GALNT6: variants seen among roughly 807,000 people sequenced by gnomAD.
GALNT6 encodes the protein GalNAc transferase 6.
In GALNT6, 51 loss-of-function variants were observed where a neutral mutation model predicts 65.9. That is an observed-to-expected ratio of 0.77 (90% CI 0.62 to 0.98). The LOEUF (loss-of-function observed/expected upper bound fraction) is 0.98. GALNT6 is among the 50% of genes least tolerant of loss of function. GALNT6 has a pLI of 0.00. For missense variants in GALNT6, 708 were observed against 803.3 expected (o/e 0.88, Z 1.43); for synonymous variants, 323 against 315.1 (o/e 1.02, Z -0.26).
chr12:51,371,948 T>C (rs1036079070), intron 4 of GALNT6, among the ~76,000 whole-genome samples: 4 of 152,194 alleles, frequency 2.6e-5, no homozygotes, highest in Non-Finnish European at 5.9e-5. Context: ...GGCAGAGATT[T>C]CTGACCATGG....
chr12:51,365,316 C>T (rs1346990611), intron 5 of GALNT6, 114 bp downstream of exon 5: 1 of 1,001,384 alleles, frequency 1.0e-6, no homozygotes, highest in African/African-American at 1.6e-5. Flanking sequence ...TCCCAAGCCT[C>T]CTTCACTCCC....
At chr12:51,373,197 T>C (rs1947343449) in intron 4 of GALNT6, among the ~76,000 whole-genome samples, 1 of 152,144 alleles carries the variant, frequency 6.6e-6, no homozygotes, top group Admixed American at 6.5e-5. Flanking sequence ...TGTTTTGAAA[T>C]GTGAGGACAT....
At position 51,391,337 on chromosome 12, in the gene GALNT6, G is replaced by A. The variant is rs1948091743; in HGVS notation, c.-242C>T. 6.5e-6 allele frequency: 1 copy of A among 153,146 alleles called. No individual in the cohort carries two copies. The highest frequency in any genetic ancestry group is 6.5e-5 in the Admixed American group (1 of 15,284). 9.5% of individuals were successfully genotyped at this position (153,146 alleles called of 1,614,324 possible). On this transcript the variant is annotated 5_prime_UTR_variant, in exon 1 of 12. Coordinates refer to ENST00000356317, the MANE Select transcript of GALNT6 (RefSeq NM_007210.4). ...TCCTCATTCATCTCGTAAGCGCCAA[G>A]GTGGAGGGGGGTCCTACCGAGGGAG...
intron 6 of GALNT6, among the ~76,000 whole-genome samples, chr12:51,361,066 A>C (rs961114411): frequency 6.6e-6 from 1 of 152,116 alleles, no homozygotes; most frequent in Non-Finnish European, 1.5e-5. Context: ...TCTAAAAGGC[A>C]CTCATTCATT....
intron 4 of GALNT6, among the ~76,000 whole-genome samples, chr12:51,368,015 G>A (rs1407406710): frequency 1.3e-5 from 2 of 151,518 alleles, no homozygotes; most frequent in Non-Finnish European, 1.5e-5. Context: ...TGAGGCCATG[G>A]AATTTTTTTT....
chr12:51,373,445 C>T (rs967984759), intron 4 of GALNT6, among the ~76,000 whole-genome samples: 7 of 152,174 alleles, frequency 4.6e-5, no homozygotes, highest in African/African-American at 1.2e-4. Flanking sequence ...TCTCTCCTGA[C>T]ACCTCATGAG....
At chr12:51,374,778 C>A (rs980078431) in intron 4 of GALNT6, among the ~76,000 whole-genome samples, 4 of 152,188 alleles carry the variant, frequency 2.6e-5, no homozygotes, top group Middle Eastern at 3.2e-3. Flanking sequence ...CTCCTACTCT[C>A]AAGTGAGTGT....
intron 2 of GALNT6, among the ~76,000 whole-genome samples, chr12:51,384,332 C>T (rs1001364017): frequency 1.3e-5 from 2 of 152,216 alleles, no homozygotes; most frequent in Admixed American, 1.3e-4. Context: ...CTGCTGATTA[C>T]AATCCACTGT....
chr12:51,365,518 C>CCG lies in GALNT6; in HGVS notation c.724_725dup (p.Gln243GlyfsTer8), dbSNP rs1350719899. 6.2e-7 allele frequency: 1 copy of CCG among 1,612,784 alleles called. No individual in the cohort carries two copies. Among genetic ancestry groups the CCG allele is most frequent in the Admixed American group, 1.7e-5 (1 of 59,998 alleles). ...TGATCAGCCCCTTCCGCTCCTCCTG[C>CCG]CGCACCACCCTCACCACCTGCAGCT... On this transcript the variant is annotated frameshift_variant, in exon 5 of 12. Coordinates refer to ENST00000356317, the MANE Select transcript of GALNT6 (RefSeq NM_007210.4). LOFTEE classifies it high-confidence loss of function.
At chr12:51,365,974 A>G (rs1335218628) in intron 4 of GALNT6, among the ~76,000 whole-genome samples, 1 of 152,076 alleles carries the variant, frequency 6.6e-6, no homozygotes, top group Non-Finnish European at 1.5e-5. Flanking sequence ...CTGGAGTGCA[A>G]TGGCGTGATC....
At position 51,362,289 on chromosome 12, in the gene GALNT6, A is replaced by C. The variant is rs190858126; in HGVS notation, c.1050-1451T>G. Among the ~76,000 whole-genome samples the C allele has an allele frequency of 6.5e-3, 991 of 152,088 alleles. 12 individuals carry two copies. The highest frequency in any genetic ancestry group is 0.023 in the African/African-American group (948 of 41,468). The stretch of plus-strand genomic sequence containing the variant: ...ACCCTGCATGGGAAGCTTCACTGTA[A>C]ATTCACAACCACAGGCAACCTCTAG... On this transcript the variant is annotated intron_variant, in intron 6 of 11. Coordinates refer to ENST00000356317, the MANE Select transcript of GALNT6 (RefSeq NM_007210.4).
In GALNT6 at chr12:51,387,851, C is replaced by A. The variant is rs983462832; in HGVS notation, c.-104+2999G>T. On this transcript the variant is annotated intron_variant, in intron 2 of 11. Coordinates refer to ENST00000356317, the MANE Select transcript of GALNT6 (RefSeq NM_007210.4). This position sits in a 1 kb window ranked among gnomAD's most constrained non-coding sequence, Gnocchi z 4.2. ...GGGGTATTCCCGAAGGCCTCTTGGG[C>A]CAGTCTTCAAATTGGGAAGGGGGCT... Among the ~76,000 whole-genome samples the A allele has an allele frequency of 6.6e-5, 10 of 151,998 alleles. No individual in the cohort carries two copies. Among genetic ancestry groups the A allele is most frequent in the African/African-American group, 2.4e-4 (10 of 41,348 alleles).
intron 3 of GALNT6, 141 bp downstream of exon 3, chr12:51,379,150 T>A (rs1947569454): frequency 7.5e-6 from 6 of 798,736 alleles, no homozygotes; most frequent in Non-Finnish European, 1.1e-5. Flanking sequence ...GGGAAAGAAG[T>A]GAGGCATAGA....
chr12:51,379,227 G>C, intron 3 of GALNT6, 64 bp downstream of exon 3: 1 of 1,475,946 alleles, frequency 6.8e-7, no homozygotes, highest in Non-Finnish European at 9.1e-7. Flanking sequence ...TATGGCCCTG[G>C]CCATACTAGC....
At position 51,381,054 on chromosome 12, in the gene GALNT6, C is replaced by T. The variant is rs147576280; in HGVS notation, c.-103-1170G>A. ...AGGAGTTCAAGACCAGTCTGCTCAA[C>T]GTATTGAGAGCCCATCTCAATAAAA... On this transcript the variant is annotated intron_variant, in intron 2 of 11. Coordinates refer to ENST00000356317, the MANE Select transcript of GALNT6 (RefSeq NM_007210.4). Among the ~76,000 whole-genome samples the T allele has an allele frequency of 1.6e-4, 24 of 152,134 alleles. No homozygotes were observed. In the East Asian group the frequency reaches 2.7e-3, roughly 17 times the overall value.
chr12:51,360,665 T>C, intron 7 of GALNT6, 56 bp downstream of exon 7: 3 of 1,015,274 alleles, frequency 3.0e-6, no homozygotes, highest in South Asian at 2.6e-5. Flanking sequence ...GAGAGATGTT[T>C]CTCAAGCTGT....
In GALNT6 at chr12:51,352,321, G is replaced by C. The variant is rs145154375; in HGVS notation, c.*2058C>G. ...GCCTCAGGCTTTCCAGGACCCTCCCGAGCCTTATCAGAGTCCTTACCCTCA... is the reference window on the plus strand; with the variant it reads ...GCCTCAGGCTTTCCAGGACCCTCCCCAGCCTTATCAGAGTCCTTACCCTCA... On this transcript the variant is annotated 3_prime_UTR_variant, in exon 12 of 12. Transcript: ENST00000356317. 1.3e-5 allele frequency: 2 copies of C among 152,270 alleles called. No individual in the cohort carries two copies. The highest frequency in any genetic ancestry group is 4.1e-4 in the South Asian group (2 of 4,824). 9.4% of individuals were successfully genotyped at this position (152,270 alleles called of 1,614,324 possible). A position where few individuals can be genotyped will look rare whatever the true frequency, so the allele number is the denominator to read the frequency against.
At chr12:51,373,905 G>C (rs1264700874) in intron 4 of GALNT6, among the ~76,000 whole-genome samples, 1 of 152,096 alleles carries the variant, frequency 6.6e-6, no homozygotes, top group Non-Finnish European at 1.5e-5. Context: ...TATTGCCTAG[G>C]CTGGAGTACA....
In GALNT6 at chr12:51,352,461, T is replaced by A. The variant is rs954920706; in HGVS notation, c.*1918A>T. 6 of 152,220 alleles carry A rather than the reference T, an allele frequency of 3.9e-5. No individual in the cohort carries two copies. Among genetic ancestry groups the A allele is most frequent in the African/African-American group, 1.4e-4 (6 of 41,448 alleles). The allele number at this position is 152,220 out of a possible 1,614,324, so 9.4% of individuals were successfully genotyped here. A position where few individuals can be genotyped will look rare whatever the true frequency, so the allele number is the denominator to read the frequency against. Reference sequence around the variant, plus strand: ...TGATTTTCACGTTGTGCTTCCAGATTGTTAGAAGTTAGGGGCTGGAAGGCA... The same window carrying A: ...TGATTTTCACGTTGTGCTTCCAGATAGTTAGAAGTTAGGGGCTGGAAGGCA... On this transcript the variant is annotated 3_prime_UTR_variant, in exon 12 of 12. Transcript: ENST00000356317.
Sources: allele counts gnomAD v4.1 joint callset (sites outside exome capture counted in the v4.1 genomes callset), GRCh38; gene constraint gnomAD v4.1.1; non-coding constraint Gnocchi (gnomAD v3.1); transcripts MANE v1.5; gene names NCBI Gene and HGNC (gene_info 2026-07-23, HGNC 2026-07-21).